NOX4: variants seen among roughly 807,000 people sequenced by gnomAD.
NOX4 encodes the protein NADPH oxidase 4, also known as kidney oxidase-1.
NOX4 carries 69 observed loss-of-function variants against 87.6 expected under a neutral mutation model. The ratio of observed to expected loss-of-function variants is 0.79; its 90% CI spans 0.65 to 0.96. NOX4 has a LOEUF of 0.96. Ranked by LOEUF, NOX4 falls within the 40% of genes least tolerant of loss-of-function variation. The pLI, the probability that NOX4 is intolerant of heterozygous loss-of-function variation, is 0.00. For missense variants in NOX4, 680 were observed against 681.5 expected, an observed-to-expected ratio of 1.00 and a Z score of 0.02; for synonymous variants, 275 against 238.2, an observed-to-expected ratio of 1.15 and a Z score of -1.42.
chr11:89,430,680 T>A (rs1002840712), intron 7 of NOX4, among the ~76,000 whole-genome samples: 1 of 151,936 alleles, frequency 6.6e-6, no homozygotes, highest in South Asian at 2.1e-4. Context: ...GAGAACTACA[T>A]ACCACTGCTC....
chr11:89,376,774 C>A (rs1355390542), intron 11 of NOX4, among the ~76,000 whole-genome samples: 1 of 151,994 alleles, frequency 6.6e-6, no homozygotes. Flanking sequence ...CCCAGATACT[C>A]GGGAGGCTGA....
rs147350656 is a variant in NOX4, at chr11:89,444,142, C to A, written c.440G>T (p.Arg147Leu). 5.0e-6 allele frequency: 8 copies of A among 1,613,228 alleles called. 1 individual carries two copies. In the South Asian group the frequency reaches 6.6e-5, roughly 13 times the overall value. ...DFVELNAARYRDEDPRKLLFT... is the reference protein window; with the variant it reads ...DFVELNAARYLDEDPRKLLFT... ...AAGACAGAGACCACCCACCTCATCT[C>A]GGTATCTTGCTGCATTCAGTTCAAC... Residue 147 changes from arginine (R) to leucine (L), a missense_variant, in exon 5 of 18, where the codon CGA (arginine) becomes CTA (leucine). Physicochemically the swap from Arg to Leu is moderately radical, Grantham distance 102. Coordinates refer to ENST00000263317, the MANE Select transcript of NOX4 (RefSeq NM_016931.5).
intron 2 of NOX4, among the ~76,000 whole-genome samples, chr11:89,467,530 C>A (rs978555453): frequency 2.0e-5 from 3 of 152,086 alleles, no homozygotes; most frequent in Admixed American, 2.0e-4. Context: ...AAGGTCAAGG[C>A]AGATTCAGTG....
At chr11:89,393,254 G>A (rs540519959) in intron 11 of NOX4, among the ~76,000 whole-genome samples, 13 of 152,202 alleles carry the variant, frequency 8.5e-5, no homozygotes, top group South Asian at 2.1e-4. Flanking sequence ...TCGAAGAATT[G>A]TCTGATCCAA....
At chr11:89,578,038 G>A in the NOX4 span, among the ~76,000 whole-genome samples, 79 of 152,146 alleles carry the variant, frequency 5.2e-4, no homozygotes, top group Non-Finnish European at 8.7e-4. Context: ...GTTTTCTTAG[G>A]GCCCTAGGAG....
intron 12 of NOX4, among the ~76,000 whole-genome samples, chr11:89,371,072 C>T (rs975119941): frequency 6.6e-6 from 1 of 151,950 alleles, no homozygotes; most frequent in African/African-American, 2.4e-5. Context: ...GCTCTTAATA[C>T]CGAGTTTTAA....
the NOX4 span, among the ~76,000 whole-genome samples, chr11:89,516,923 GT>G: frequency 1.3e-5 from 2 of 151,910 alleles, no homozygotes; most frequent in African/African-American, 4.8e-5. Flanking sequence ...TTCAGCTACA[GT>G]TTTTCGAAAA....
At chr11:89,374,657 G>A (rs1172453751) in intron 11 of NOX4, among the ~76,000 whole-genome samples, 1 of 152,112 alleles carries the variant, frequency 6.6e-6, no homozygotes, top group African/African-American at 2.4e-5. Flanking sequence ...AATTATTGCA[G>A]GTCACTGTCT....
In NOX4 at chr11:89,325,141, T is replaced by C. The variant is rs1482730015; in HGVS notation, c.*1615A>G. ...TTTTTTTTTTTTTTTTTTTTTTTTT[T>C]TGAGATGGAATCTTGCTCTGTCACC... On this transcript the variant is annotated 3_prime_UTR_variant, in exon 18 of 18. Transcript: ENST00000263317. 1.6e-5 allele frequency: 2 copies of C among 126,278 alleles called. No individual in the cohort carries two copies. Among genetic ancestry groups the C allele is most frequent in the African/African-American group, 5.9e-5 (2 of 33,982 alleles). 7.8% of individuals were successfully genotyped at this position (126,278 alleles called of 1,614,324 possible). A position where few individuals can be genotyped will look rare whatever the true frequency, so the allele number is the denominator to read the frequency against.
the NOX4 span, among the ~76,000 whole-genome samples, chr11:89,578,769 G>T: frequency 3.3e-5 from 5 of 152,256 alleles, no homozygotes; most frequent in African/African-American, 4.8e-5. Context: ...ATTCCTGTGG[G>T]TACAATCTAG....
chr11:89,451,854 G>T lies in NOX4; in HGVS notation c.195C>A (p.Asn65Lys). ...CLSRASASVL[N>K]LNCSLILLPM... ...GTAAAAGGATAAGGCTGCAGTTGAG[G>T]TTAAGAACAGATGCTGAGGCTCTGC... is the stretch of plus-strand genomic sequence containing the variant. Residue 65 changes from asparagine to lysine, a missense_variant, in exon 3 of 18, where the codon AAC becomes AAA. By Grantham distance (94) the Asn-to-Lys change is moderately conservative. Transcript: ENST00000263317. 6.2e-7 allele frequency: 1 copy of T among 1,613,402 alleles called. No homozygotes were observed. The highest frequency in any genetic ancestry group is 8.5e-7 in the Non-Finnish European group (1 of 1,179,508).
chr11:89,578,935 C>A, the NOX4 span, among the ~76,000 whole-genome samples: 2 of 152,100 alleles, frequency 1.3e-5, no homozygotes, highest in East Asian at 3.9e-4. Flanking sequence ...AATGGATAAA[C>A]AAATTGCAGC....
chr11:89,497,524 A>T (rs1219442058), intron 1 of NOX4, among the ~76,000 whole-genome samples: 1 of 152,224 alleles, frequency 6.6e-6, no homozygotes. Context: ...GGCTTTGGAA[A>T]GCATCATAAC....
chr11:89,496,881 C>T (rs1946960109), upstream of NOX4, among the ~76,000 whole-genome samples: 1 of 152,072 alleles, frequency 6.6e-6, no homozygotes, highest in South Asian at 2.1e-4. Flanking sequence ...TAGGTAAGGC[C>T]ATTATTTTCT....
At chr11:89,476,303 T>C (rs982205181) in intron 2 of NOX4, among the ~76,000 whole-genome samples, 3 of 152,168 alleles carry the variant, frequency 2.0e-5, no homozygotes, top group African/African-American at 7.2e-5. Flanking sequence ...TGTAACTATA[T>C]ATATGTAGCT....
chr11:89,363,429 C>T (rs1938685781), intron 12 of NOX4, among the ~76,000 whole-genome samples: 1 of 152,092 alleles, frequency 6.6e-6, no homozygotes, highest in Non-Finnish European at 1.5e-5. Context: ...TTGTCACATA[C>T]TGTGAACAAA....
the NOX4 span, among the ~76,000 whole-genome samples, chr11:89,522,316 C>T: frequency 6.6e-6 from 1 of 152,110 alleles, no homozygotes; most frequent in Non-Finnish European, 1.5e-5. Context: ...GATACACCAT[C>T]AAATACTATG....
At chr11:89,394,550 C>T (rs540778338) in intron 11 of NOX4, among the ~76,000 whole-genome samples, 19 of 152,160 alleles carry the variant, frequency 1.2e-4, no homozygotes, top group Non-Finnish European at 1.8e-4. Context: ...ACGTGCACAA[C>T]GTGCAGGTTT....
chr11:89,385,534 A>C (rs114520895), intron 11 of NOX4, among the ~76,000 whole-genome samples: 5,284 of 152,130 alleles, frequency 0.035, 174 homozygotes, highest in East Asian at 0.13. Flanking sequence ...GGCTCATTCT[A>C]TTCTGTTGTC....
Sources: gnomAD v4.1 joint callset for allele counts (sites outside exome capture counted in the v4.1 genomes callset) on GRCh38, gnomAD v4.1.1 for gene constraint, MANE v1.5 for transcripts, NCBI Gene and HGNC (gene_info 2026-07-23, HGNC 2026-07-21) for gene names.